The following LINGO2 variants were observed in gnomAD, a reference collection of about 807,000 sequenced individuals.
LINGO2 encodes leucine-rich repeat and immunoglobulin-like domain-containing nogo receptor-interacting protein 2.
A neutral mutation model predicts 30.6 loss-of-function variants in LINGO2; 14 were observed. That is an observed-to-expected ratio of 0.46 (90% CI 0.30 to 0.72). The LOEUF (loss-of-function observed/expected upper bound fraction) is 0.72, where lower values mean the gene tolerates loss of function less well. Among genes scored for constraint, LINGO2 ranks in the 30% least tolerant of loss-of-function variants. The probability of loss-of-function intolerance (pLI) is 0.07; values close to 1 mark genes in which losing one functional copy is unlikely to be tolerated. For synonymous variants in LINGO2, 317 were observed against 288.5 expected, an observed-to-expected ratio of 1.10 and a Z score of -1.00; for missense variants, 729 against 751.7, an observed-to-expected ratio of 0.97 and a Z score of 0.35.
intron 4 of LINGO2, among the ~76,000 whole-genome samples, chr9:28,109,648 G>T (rs1047025781): frequency 6.6e-6 from 1 of 152,126 alleles, no homozygotes; most frequent in Non-Finnish European, 1.5e-5. Flanking sequence ...ATTCACAATT[G>T]CTTCAAAGAG....
chr9:28,691,193 A>G, the LINGO2 span, among the ~76,000 whole-genome samples: 1 of 152,216 alleles, frequency 6.6e-6, no homozygotes, highest in South Asian at 2.1e-4. Flanking sequence ...TTCTCAAAAG[A>G]GATTGGTTTA....
chr9:28,161,060 A>C (rs947839757), intron 4 of LINGO2, among the ~76,000 whole-genome samples: 1 of 152,180 alleles, frequency 6.6e-6, no homozygotes, highest in Non-Finnish European at 1.5e-5. Context: ...CATTAACCAG[A>C]CCAAACTCCT....
At chr9:28,863,179 C>G in the LINGO2 span, among the ~76,000 whole-genome samples, 1 of 152,000 alleles carries the variant, frequency 6.6e-6, no homozygotes, top group Non-Finnish European at 1.5e-5. Context: ...AAAAGTACTG[C>G]ATAACAATGA....
At chr9:28,848,072 A>G in the LINGO2 span, among the ~76,000 whole-genome samples, 4 of 47,896 alleles carry the variant, frequency 8.4e-5, 1 homozygote, top group African/African-American at 2.2e-4. Flanking sequence ...TGTATATAAT[A>G]TATATATACA....
the LINGO2 span, among the ~76,000 whole-genome samples, chr9:28,747,773 ATTG>A: frequency 0.27 from 40,994 of 151,872 alleles, 5,947 homozygotes; most frequent in Admixed American, 0.42. Context: ...CATACTGGCT[ATTG>A]TTATATTTTT....
At chr9:28,635,581 A>G (rs1244687526) in intron 1 of LINGO2, among the ~76,000 whole-genome samples, 1 of 152,194 alleles carries the variant, frequency 6.6e-6, no homozygotes, top group African/African-American at 2.4e-5. Context: ...GGTTAAAACA[A>G]GACAGAAGCT....
At chr9:28,158,010 C>T (rs1474124719) in intron 4 of LINGO2, among the ~76,000 whole-genome samples, 1 of 152,172 alleles carries the variant, frequency 6.6e-6, no homozygotes, top group Non-Finnish European at 1.5e-5. Context: ...GCCTGGTACC[C>T]AGTGTGAAAG....
At chr9:28,596,215 T>C (rs569738821) in intron 1 of LINGO2, among the ~76,000 whole-genome samples, 1 of 152,298 alleles carries the variant, frequency 6.6e-6, no homozygotes, top group East Asian at 1.9e-4. Context: ...GAGGTGCATA[T>C]TAAAATACTG....
intron 1 of LINGO2, among the ~76,000 whole-genome samples, chr9:28,541,084 G>A (rs1821674803): frequency 6.6e-6 from 1 of 152,186 alleles, no homozygotes; most frequent in Non-Finnish European, 1.5e-5. Flanking sequence ...AATGCAAAGT[G>A]AGAAAGAGTG....
intron 4 of LINGO2, among the ~76,000 whole-genome samples, chr9:28,082,659 A>C (rs1825804923): frequency 6.6e-6 from 1 of 152,158 alleles, no homozygotes; most frequent in Non-Finnish European, 1.5e-5. Context: ...TGTATTATTT[A>C]ATTTTTAAAA....
intron 1 of LINGO2, among the ~76,000 whole-genome samples, chr9:28,612,871 T>A (rs2135791716): frequency 6.6e-6 from 1 of 152,258 alleles, no homozygotes; most frequent in Non-Finnish European, 1.5e-5. Flanking sequence ...TTAGGCTTTG[T>A]ATCCCCATGC....
the LINGO2 span, chr9:27,939,873 G>C: frequency 1.3e-5 from 2 of 152,134 alleles, no homozygotes; most frequent in African/African-American, 4.8e-5. Context: ...GCCTTAGATG[G>C]GGATCTGGTA....
intron 1 of LINGO2, among the ~76,000 whole-genome samples, chr9:28,577,266 A>C (rs143984719): frequency 1.2e-3 from 179 of 152,222 alleles, no homozygotes; most frequent in Non-Finnish European, 2.0e-3. Flanking sequence ...TAACATCACT[A>C]TTATAGAATC....
At chr9:29,050,559 A>C in the LINGO2 span, among the ~76,000 whole-genome samples, 2 of 152,218 alleles carry the variant, frequency 1.3e-5, no homozygotes. Flanking sequence ...GGAGATCCAA[A>C]AGAAGCATGT....
chr9:28,520,664 G>A (rs1194227359), intron 1 of LINGO2, among the ~76,000 whole-genome samples: 4 of 152,170 alleles, frequency 2.6e-5, no homozygotes, highest in African/African-American at 7.2e-5. Context: ...TACCCAAGAG[G>A]CATTGAATAA....
the LINGO2 span, among the ~76,000 whole-genome samples, chr9:28,750,533 G>C: frequency 0.018 from 2,676 of 152,090 alleles, 84 homozygotes; most frequent in African/African-American, 0.061. Context: ...CAAATCTTCA[G>C]AACTGCTTTA....
the LINGO2 span, among the ~76,000 whole-genome samples, chr9:29,101,800 C>T: frequency 6.6e-6 from 1 of 152,056 alleles, no homozygotes; most frequent in Non-Finnish European, 1.5e-5. Context: ...TTTTCTTTAT[C>T]CAGTCTTCTG....
chr9:29,139,261 C>T, the LINGO2 span, among the ~76,000 whole-genome samples: 1 of 152,216 alleles, frequency 6.6e-6, no homozygotes, highest in East Asian at 1.9e-4. Flanking sequence ...TAGCCTAATA[C>T]CTTGATTACA....
chr9:28,103,851 T>C (rs141869379), intron 4 of LINGO2, among the ~76,000 whole-genome samples: 356 of 152,304 alleles, frequency 2.3e-3, no homozygotes, highest in African/African-American at 8.3e-3. Context: ...AGAGAGTTCA[T>C]TTAAACTTTA....
Sources: allele counts gnomAD v4.1 joint callset (sites outside exome capture counted in the v4.1 genomes callset), GRCh38; gene constraint gnomAD v4.1.1; transcripts MANE v1.5; gene names NCBI Gene and HGNC (gene_info 2026-07-23, HGNC 2026-07-21).